The following HSP90AA1 variants were observed in gnomAD, a reference collection of about 807,000 sequenced individuals.
HSP90AA1 encodes the protein heat shock protein 90 alpha family class A member 1.
HSP90AA1 carries 18 observed loss-of-function variants against 73.3 expected under a neutral mutation model. The observed-to-expected ratio is 0.25, with a 90% confidence interval of 0.17 to 0.36. HSP90AA1 has a LOEUF of 0.36. Among genes scored for constraint, HSP90AA1 ranks in the 10% least tolerant of loss-of-function variants. The pLI, the probability that HSP90AA1 is intolerant of heterozygous loss-of-function variation, is 1.00. For missense variants in HSP90AA1, 704 were observed against 874.2 expected (o/e 0.81, Z 2.45); for synonymous variants, 477 against 296.9 (o/e 1.61, Z -6.24).
chr14:102,130,297 T>C (rs1366465349), intron 1 of HSP90AA1, among the ~76,000 whole-genome samples: 2 of 152,262 alleles, frequency 1.3e-5, no homozygotes, highest in East Asian at 1.9e-4. Flanking sequence ...TTCTCTTGGG[T>C]ATATACATAC....
At chr14:102,135,503 G>A (rs573463256) in intron 1 of HSP90AA1, among the ~76,000 whole-genome samples, 5 of 152,264 alleles carry the variant, frequency 3.3e-5, no homozygotes, top group Admixed American at 2.6e-4. Context: ...GTCCTGCGCC[G>A]TGCGCTCGCA....
At chr14:102,081,935 AATTTC>A (rs1321177289) in intron 10 of HSP90AA1, 114 bp from the exon 11 acceptor site, 15 of 784,832 alleles carry the variant, frequency 1.9e-5, no homozygotes, top group African/African-American at 6.8e-5. Context: ...TATGAGTCTC[AATTTC>A]ATTTCTTTGC....
At chr14:102,099,853 G>C (rs2049471184) in intron 2 of HSP90AA1, among the ~76,000 whole-genome samples, 1 of 151,552 alleles carries the variant, frequency 6.6e-6, no homozygotes, top group South Asian at 2.1e-4. Context: ...TGTCATTAGT[G>C]GTATCTCTTC....
At chr14:102,091,978 T>C (rs534653379), upstream of HSP90AA1, among the ~76,000 whole-genome samples, 2 of 152,164 alleles carry the variant, frequency 1.3e-5, no homozygotes, top group Non-Finnish European at 2.9e-5. Flanking sequence ...CTCAAAATAT[T>C]TTTAAAATTT....
In HSP90AA1 at chr14:102,081,547, A is replaced by G; in HGVS notation, c.*165T>C. On this transcript the variant is annotated 3_prime_UTR_variant, in exon 11 of 11. Transcript: ENST00000216281. The stretch of plus-strand genomic sequence containing the variant: ...CTAGCTCTGCTTTAGTGCCTAAGGT[A>G]TCACAGCATCACTTAGTAGACAGAA... 1.6e-6 allele frequency: 1 copy of G among 634,860 alleles called. No homozygotes were observed. The highest frequency in any genetic ancestry group is 2.7e-5 in the East Asian group (1 of 36,806). 39.3% of individuals were successfully genotyped at this position (634,860 alleles called of 1,614,324 possible).
At chr14:102,083,720 G>C (rs879218398) in intron 7 of HSP90AA1, 27 bp from the exon 8 acceptor site, 2 of 1,417,564 alleles carry the variant, frequency 1.4e-6, no homozygotes, top group Admixed American at 2.0e-5. Context: ...TCTTTACAAA[G>C]ACTTTCTGAA....
chr14:102,102,294 G>T lies in HSP90AA1; in HGVS notation c.156-209C>A, dbSNP rs567240881. 8.5e-5 allele frequency among the ~76,000 whole-genome samples: 13 copies of T among 152,290 alleles called. No homozygotes were observed. The South Asian group carries it at 2.7e-3, about 32-fold the overall frequency. Reference sequence around the variant, plus strand: ...TGGACCAGGGTCCCAGTAAGGAGCTGGGCTTCTCTGTGGATGCTGTATGGC... The same window carrying T: ...TGGACCAGGGTCCCAGTAAGGAGCTTGGCTTCTCTGTGGATGCTGTATGGC... On this transcript the variant is annotated intron_variant, in intron 1 of 11. Transcript: ENST00000334701.
At chr14:102,086,746 G>A (rs2049249070) in intron 1 of HSP90AA1, among the ~76,000 whole-genome samples, 1 of 151,392 alleles carries the variant, frequency 6.6e-6, no homozygotes, top group South Asian at 2.1e-4. Context: ...CGCGTGCGGC[G>A]CCAGCTCTGG....
chr14:102,088,789 T>G (rs1417708810), upstream of HSP90AA1, among the ~76,000 whole-genome samples: 2 of 152,118 alleles, frequency 1.3e-5, no homozygotes, highest in East Asian at 3.8e-4. Flanking sequence ...CCAGCCACTG[T>G]CCCCGCTCTC....
chr14:102,098,612 T>C (rs1482165697), intron 2 of HSP90AA1, among the ~76,000 whole-genome samples: 1 of 152,000 alleles, frequency 6.6e-6, no homozygotes, highest in African/African-American at 2.4e-5. Flanking sequence ...TACAGTCATG[T>C]GCCACCACAC....
intron 1 of HSP90AA1, among the ~76,000 whole-genome samples, chr14:102,110,883 A>G (rs193242855): frequency 2.2e-4 from 33 of 151,982 alleles, no homozygotes; most frequent in African/African-American, 7.2e-4. Context: ...GCCCAGCCCA[A>G]TTTTTTGTAT....
Position 102,084,525 on chromosome 14 carries a change from G to T in HSP90AA1, c.1021C>A (p.Leu341Ile). 6.2e-7 allele frequency: 1 copy of T among 1,614,208 alleles called. No individual in the cohort carries two copies. ...AAAGGAGCACGTCGTGGGACAAATA[G>T]AAGGGCTCTGAATTCCAACTGTCCT... ...VEGQLEFRAL[L>I]FVPRRAPFDL... is the part of the protein sequence containing the mutation. Residue 341 changes from leucine to isoleucine, a missense_variant, in exon 6 of 11, where the codon CTA becomes ATA. Leu to Ile is a conservative substitution (Grantham distance 5). Coordinates refer to ENST00000216281, the MANE Select transcript of HSP90AA1 (RefSeq NM_005348.4).
chr14:102,136,124 CAA>C (rs2049990884), intron 1 of HSP90AA1, among the ~76,000 whole-genome samples: 1 of 152,076 alleles, frequency 6.6e-6, no homozygotes, highest in Non-Finnish European at 1.5e-5. Context: ...AGTTTTTGGA[CAA>C]AAGAATATGT....
intron 6 of HSP90AA1, 169 bp downstream of exon 6, chr14:102,084,230 G>C: frequency 1.4e-6 from 1 of 706,160 alleles, no homozygotes; most frequent in Non-Finnish European, 2.4e-6. Flanking sequence ...TAATTTAGTA[G>C]AGATGGGGTT....
chr14:102,123,536 GTTT>G (rs1299252339), intron 1 of HSP90AA1, among the ~76,000 whole-genome samples: 1 of 148,324 alleles, frequency 6.7e-6, no homozygotes, highest in Non-Finnish European at 1.5e-5. Flanking sequence ...AAACCTTGTG[GTTT>G]TTTTTTTCTT....
chr14:102,124,790 T>C (rs1488055515), intron 1 of HSP90AA1, among the ~76,000 whole-genome samples: 1 of 152,192 alleles, frequency 6.6e-6, no homozygotes, highest in Non-Finnish European at 1.5e-5. Context: ...TTTAAAACTT[T>C]TATGTACTAT....
In HSP90AA1 at chr14:102,081,765, T is replaced by A. The variant is rs2049104613; in HGVS notation, c.2146A>T (p.Met716Leu). 1 of 1,599,238 alleles carries A rather than the reference T, an allele frequency of 6.3e-7. No individual in the cohort carries two copies. The highest frequency in any genetic ancestry group is 8.6e-7 in the Non-Finnish European group (1 of 1,166,442). The change falls in exon 11 of 11, where the codon ATG becomes TTG. Residue 716 changes from methionine (M) to leucine (L), a missense_variant. Coordinates refer to ENST00000216281, the MANE Select transcript of HSP90AA1 (RefSeq NM_005348.4). ...TCGTCATCTCCTTCAAGGGGTGGCATTTCTTCAGTTACAGCAGCACTGGTA... is the reference window on the plus strand; with the variant it reads ...TCGTCATCTCCTTCAAGGGGTGGCAATTCTTCAGTTACAGCAGCACTGGTA... ...DDTSAAVTEE[M>L]PPLEGDDDTS...
intron 1 of HSP90AA1, among the ~76,000 whole-genome samples, chr14:102,105,034 T>TAAAAAAAAAAA (rs35769966): frequency 4.1e-5 from 4 of 97,488 alleles, no homozygotes; most frequent in African/African-American, 1.6e-4. Context: ...TCATCTCTAC[T>TAAAAAAAAAAA]AAAAAAAAAA....
intron 2 of HSP90AA1, among the ~76,000 whole-genome samples, chr14:102,095,428 G>T (rs1202737766): frequency 6.6e-6 from 1 of 152,122 alleles, no homozygotes; most frequent in Admixed American, 6.6e-5. Context: ...GCCTCAGTCT[G>T]CATCCCCTGG....
Sources: gnomAD v4.1 joint callset for allele counts (sites outside exome capture counted in the v4.1 genomes callset) on GRCh38, gnomAD v4.1.1 for gene constraint, MANE v1.5 for transcripts, NCBI Gene and HGNC (gene_info 2026-07-23, HGNC 2026-07-21) for gene names.